The following ELL2 variants were observed in gnomAD, a reference collection of about 807,000 sequenced individuals.
ELL2 encodes RNA polymerase II elongation factor ELL2.
ELL2 carries 21 observed loss-of-function variants against 72.8 expected under a neutral mutation model. The ratio of observed to expected loss-of-function variants is 0.29; its 90% CI spans 0.20 to 0.42. ELL2 has a LOEUF of 0.42. Ranked by LOEUF, ELL2 falls within the 10% of genes least tolerant of loss-of-function variation. The pLI is 1.00. For missense variants in ELL2, 568 were observed against 772.8 expected, an observed-to-expected ratio of 0.73 and a Z score of 3.14; for synonymous variants, 266 against 283.2, an observed-to-expected ratio of 0.94 and a Z score of 0.61.
intron 1 of ELL2, among the ~76,000 whole-genome samples, chr5:95,951,928 C>T (rs1751421812): frequency 6.6e-6 from 1 of 152,154 alleles, no homozygotes; most frequent in Admixed American, 6.5e-5. Flanking sequence ...GGTTGCTAGT[C>T]AATTTCTAGG....
intron 4 of ELL2, among the ~76,000 whole-genome samples, chr5:95,907,906 C>T (rs1364881086): frequency 6.6e-6 from 1 of 152,230 alleles, no homozygotes; most frequent in Non-Finnish European, 1.5e-5. Flanking sequence ...AGGAGCTTTA[C>T]TGAATAGTAA....
intron 2 of ELL2, 154 bp downstream of exon 2, chr5:95,942,848 A>G (rs1325857424): frequency 2.4e-6 from 1 of 410,632 alleles, no homozygotes; most frequent in Non-Finnish European, 4.3e-6. Context: ...AGATAATTCA[A>G]GCATCTTAAA....
At chr5:95,893,916 C>T (rs959667417) in intron 9 of ELL2, among the ~76,000 whole-genome samples, 3 of 152,126 alleles carry the variant, frequency 2.0e-5, no homozygotes, top group Non-Finnish European at 4.4e-5. Context: ...TGCACCAAGG[C>T]AGATCCAGGA....
Position 95,961,734 on chromosome 5 carries a change from G to C in ELL2, c.-13C>G, listed in dbSNP as rs777136453. 1 of 1,591,132 alleles carries C rather than the reference G, an allele frequency of 6.3e-7. No homozygotes were observed. ...CCCCCGCCGCCATCTTAAACTCCCC[G>C]GGGTGCCGCCGCCGCCGCCGCTCCG... On this transcript the variant is annotated 5_prime_UTR_variant, in exon 1 of 12. Transcript: ENST00000237853.
At chr5:95,896,419 A>G (rs770960875) in intron 8 of ELL2, among the ~76,000 whole-genome samples, 3 of 152,182 alleles carry the variant, frequency 2.0e-5, no homozygotes, top group African/African-American at 4.8e-5. Context: ...GTAATTTTTT[A>G]TCATTGAAAG....
At chr5:95,892,698 G>A (rs1289328522) in intron 9 of ELL2, among the ~76,000 whole-genome samples, 1 of 152,124 alleles carries the variant, frequency 6.6e-6, no homozygotes, top group African/African-American at 2.4e-5. Flanking sequence ...TCTTATATAA[G>A]CCCATCAGTT....
intron 1 of ELL2, among the ~76,000 whole-genome samples, chr5:95,948,507 T>C (rs1251823634): frequency 6.7e-6 from 1 of 149,368 alleles, no homozygotes; most frequent in East Asian, 2.0e-4. Context: ...GATCACTCAC[T>C]GTGTTATTAA....
chr5:95,953,930 A>T (rs3756702), intron 1 of ELL2, among the ~76,000 whole-genome samples: 8,035 of 152,300 alleles, frequency 0.053, 670 homozygotes, highest in East Asian at 0.43. Context: ...ATTTCATATT[A>T]TCAGTGCTTT....
intron 2 of ELL2, among the ~76,000 whole-genome samples, chr5:95,939,223 C>T (rs2112343463): frequency 6.6e-6 from 1 of 152,316 alleles, no homozygotes; most frequent in East Asian, 1.9e-4. Flanking sequence ...ACGCCTTGTT[C>T]CTGATAGTCC....
chr5:95,906,539 C>T lies in ELL2; in HGVS notation c.725G>A (p.Gly242Glu). Residue 242 changes from glycine to glutamate, a missense_variant, in exon 5 of 12, where the codon GGA becomes GAA. Transcript: ENST00000237853. ...GVNQKDKNSLGAILQQVANLN... is the reference protein window; with the variant it reads ...GVNQKDKNSLEAILQQVANLN... Reference sequence around the variant, plus strand: ...TGTCCTCACCTGTTGCAGAATTGCTCCCAGGGAGTTCTTGTCTTTTTGATT... The same window carrying T: ...TGTCCTCACCTGTTGCAGAATTGCTTCCAGGGAGTTCTTGTCTTTTTGATT... 1.9e-6 allele frequency: 3 copies of T among 1,612,600 alleles called. No individual in the cohort carries two copies. Among genetic ancestry groups the T allele is most frequent in the Non-Finnish European group, 2.5e-6 (3 of 1,178,934 alleles).
At chr5:95,950,188 G>A (rs1751321792) in intron 1 of ELL2, among the ~76,000 whole-genome samples, 1 of 152,128 alleles carries the variant, frequency 6.6e-6, no homozygotes. Flanking sequence ...AAGTAAATAA[G>A]TAGACATGCT....
chr5:95,927,285 G>A (rs1750317690), intron 2 of ELL2, among the ~76,000 whole-genome samples: 1 of 150,450 alleles, frequency 6.6e-6, no homozygotes, highest in Non-Finnish European at 1.5e-5. Context: ...TATAAGGAAT[G>A]AAGGGGAGAA....
At chr5:95,893,566 T>C (rs1748746937) in intron 9 of ELL2, among the ~76,000 whole-genome samples, 1 of 152,132 alleles carries the variant, frequency 6.6e-6, no homozygotes, top group East Asian at 1.9e-4. Context: ...TTTGTATTTT[T>C]AGTAGAGACG....
chr5:95,886,038 A>G lies in ELL2; in HGVS notation c.*2833T>C, dbSNP rs1748452915. ...GTAAAAATCTTCAAAAGTCCTTCAA[A>G]TCATTTTAGATGAAATGTGATAGAA... is the stretch of plus-strand genomic sequence containing the variant. On this transcript the variant is annotated 3_prime_UTR_variant, in exon 12 of 12. Coordinates refer to ENST00000237853, the MANE Select transcript of ELL2 (RefSeq NM_012081.6). 1 of 152,180 alleles carries G rather than the reference A, an allele frequency of 6.6e-6. No individual in the cohort carries two copies. Among genetic ancestry groups the G allele is most frequent in the Non-Finnish European group, 1.5e-5 (1 of 68,026 alleles). The allele number at this position is 152,180 out of a possible 1,614,324, so 9.4% of individuals were successfully genotyped here. A position where few individuals can be genotyped will look rare whatever the true frequency, so the allele number is the denominator to read the frequency against.
At chr5:95,949,494 A>G (rs1751294365) in intron 1 of ELL2, among the ~76,000 whole-genome samples, 1 of 152,136 alleles carries the variant, frequency 6.6e-6, no homozygotes, top group African/African-American at 2.4e-5. Flanking sequence ...TTTATTCTTT[A>G]AGGTTAGAGA....
At chr5:95,934,977 T>C (rs189977804) in intron 2 of ELL2, among the ~76,000 whole-genome samples, 1 of 152,354 alleles carries the variant, frequency 6.6e-6, no homozygotes, top group East Asian at 1.9e-4. Flanking sequence ...AAAATAAGTA[T>C]AGCTTGATAG....
chr5:95,932,852 A>ATTCC (rs1257191646), intron 2 of ELL2: 3 of 152,206 alleles, frequency 2.0e-5, no homozygotes, highest in African/African-American at 7.2e-5. Flanking sequence ...TTAGAGAAAT[A>ATTCC]GAGTAATTTT....
chr5:95,940,583 G>C (rs921716617), intron 2 of ELL2, among the ~76,000 whole-genome samples: 1 of 152,130 alleles, frequency 6.6e-6, no homozygotes, highest in Non-Finnish European at 1.5e-5. Flanking sequence ...TTAGTTATAC[G>C]TCAAATATGC....
intron 6 of ELL2, 60 bp downstream of exon 6, chr5:95,900,896 G>T: frequency 6.4e-7 from 1 of 1,564,552 alleles, no homozygotes; most frequent in South Asian, 1.2e-5. Context: ...CTAAAATAAT[G>T]ACTTATTTCC....
Sources: allele counts gnomAD v4.1 joint callset (sites outside exome capture counted in the v4.1 genomes callset), GRCh38; gene constraint gnomAD v4.1.1; transcripts MANE v1.5; gene names NCBI Gene and HGNC (gene_info 2026-07-23, HGNC 2026-07-21).